Variants in DYM observed in about 807,000 individuals in gnomAD.
DYM encodes dymeclin.
In DYM, 78 loss-of-function variants were observed where a neutral mutation model predicts 93.1. The observed-to-expected ratio is 0.84, with a 90% CI of 0.70 to 1.01. DYM has a LOEUF of 1.01. DYM is among the 50% of genes least tolerant of loss of function. DYM has a pLI of 0.00. For missense variants in DYM, 789 were observed against 845.0 expected (o/e 0.93, Z 0.82); for synonymous variants, 321 against 319.7 (o/e 1.00, Z -0.04).
intron 6 of DYM, among the ~76,000 whole-genome samples, chr18:49,353,242 T>C (rs1420088715): frequency 6.6e-6 from 1 of 152,156 alleles, no homozygotes; most frequent in East Asian, 1.9e-4. Flanking sequence ...ATTAGTAATA[T>C]TTTAAAACAA....
chr18:49,058,305 TTTTC>T (rs979077803), intron 17 of DYM, among the ~76,000 whole-genome samples: 11 of 151,974 alleles, frequency 7.2e-5, no homozygotes, highest in Admixed American at 5.2e-4. Context: ...ATTTACATTT[TTTTC>T]TTTTTCTTCT....
intron 15 of DYM, among the ~76,000 whole-genome samples, chr18:49,142,692 G>A (rs1221653059): frequency 6.6e-6 from 1 of 152,078 alleles, no homozygotes. Context: ...TTGTCTATTT[G>A]CATCTGGTAA....
chr18:49,072,694 G>T (rs893680598), intron 17 of DYM, among the ~76,000 whole-genome samples: 11 of 152,266 alleles, frequency 7.2e-5, no homozygotes, highest in Non-Finnish European at 1.3e-4. Context: ...GAACGTTTGA[G>T]AGCTGAGACT....
intron 14 of DYM, among the ~76,000 whole-genome samples, chr18:49,195,133 T>C (rs1159344592): frequency 6.6e-6 from 1 of 152,218 alleles, no homozygotes; most frequent in African/African-American, 2.4e-5. Flanking sequence ...TTTTCATGCT[T>C]TTATTTAATT....
intron 15 of DYM, among the ~76,000 whole-genome samples, chr18:49,161,770 C>G (rs1434891247): frequency 1.3e-5 from 2 of 152,210 alleles, no homozygotes; most frequent in Admixed American, 1.3e-4. Flanking sequence ...AAAACTAGCA[C>G]CAGTCAGGCT....
intron 17 of DYM, among the ~76,000 whole-genome samples, chr18:49,089,925 C>T (rs956732756): frequency 1.3e-5 from 2 of 152,086 alleles, no homozygotes; most frequent in Admixed American, 1.3e-4. Context: ...AGGGACTGGC[C>T]TTGGCTAAGA....
intron 1 of DYM, among the ~76,000 whole-genome samples, chr18:49,432,329 C>CAAAAA (rs11429840): frequency 1.7e-3 from 127 of 75,042 alleles, no homozygotes; most frequent in Middle Eastern, 6.9e-3. Flanking sequence ...AAGACTGTCT[C>CAAAAA]AAAAAAAAAA....
chr18:49,200,336 T>G (rs1024859310), intron 14 of DYM, among the ~76,000 whole-genome samples: 20 of 152,040 alleles, frequency 1.3e-4, no homozygotes, highest in African/African-American at 4.6e-4. Context: ...TTTTTATACA[T>G]TATCTGGTTT....
chr18:49,219,680 G>T (rs2093259042), intron 13 of DYM, among the ~76,000 whole-genome samples: 1 of 152,080 alleles, frequency 6.6e-6, no homozygotes, highest in Admixed American at 6.5e-5. Flanking sequence ...AATAGATGCA[G>T]AAAAGGCCTT....
intron 8 of DYM, among the ~76,000 whole-genome samples, chr18:49,289,744 T>TATATATATATATACATATATATACAC: frequency 2.9e-5 from 1 of 34,290 alleles, no homozygotes; most frequent in Admixed American, 3.5e-4. Context: ...TATATATATA[T>TATATATATATATACATATATATACAC]ATATATATAT....
intron 14 of DYM, among the ~76,000 whole-genome samples, chr18:49,178,662 A>G (rs1446316952): frequency 6.6e-6 from 1 of 152,172 alleles, no homozygotes; most frequent in African/African-American, 2.4e-5. Flanking sequence ...AATTCTTTCT[A>G]ATAAAAATAC....
At chr18:49,374,770 C>T (rs1229639379) in intron 5 of DYM, among the ~76,000 whole-genome samples, 2 of 152,106 alleles carry the variant, frequency 1.3e-5, no homozygotes, top group African/African-American at 4.8e-5. Context: ...ACCAGCCTGA[C>T]CAACATGGTG....
intron 2 of DYM, among the ~76,000 whole-genome samples, chr18:49,422,658 C>T (rs376793429): frequency 5.3e-5 from 8 of 152,180 alleles, no homozygotes; most frequent in South Asian, 4.1e-4. Flanking sequence ...ACCCATCTCA[C>T]GTGCAGAGAC....
chr18:49,089,752 A>G (rs2078873887), intron 17 of DYM, among the ~76,000 whole-genome samples: 1 of 152,192 alleles, frequency 6.6e-6, no homozygotes, highest in African/African-American at 2.4e-5. Context: ...AATTAAGAGA[A>G]TTCTCTTGAA....
intron 9 of DYM, among the ~76,000 whole-genome samples, chr18:49,285,809 G>A (rs28628070): frequency 6.6e-6 from 1 of 152,192 alleles, no homozygotes. Context: ...TCAACATGAA[G>A]CCATATGCTC....
intron 14 of DYM, among the ~76,000 whole-genome samples, chr18:49,198,938 T>C (rs1414128495): frequency 2.6e-5 from 4 of 151,970 alleles, no homozygotes; most frequent in East Asian, 3.8e-4. Context: ...CGTATGTTTA[T>C]TGCAGCACTA....
intron 2 of DYM, chr18:49,413,108 A>G (rs1056134376): frequency 2.6e-5 from 4 of 152,218 alleles, no homozygotes; most frequent in Non-Finnish European, 4.4e-5. Flanking sequence ...TTAATGCTGC[A>G]GCTCTTTAGT....
intron 2 of DYM, among the ~76,000 whole-genome samples, chr18:49,409,934 C>A (rs928539853): frequency 7.9e-5 from 12 of 152,174 alleles, no homozygotes; most frequent in African/African-American, 2.2e-4. Context: ...GGAGCCTATA[C>A]GTAGTACCTA....
At chr18:49,293,799 T>C (rs1211711026) in intron 8 of DYM, among the ~76,000 whole-genome samples, 1 of 152,242 alleles carries the variant, frequency 6.6e-6, no homozygotes, top group Non-Finnish European at 1.5e-5. Context: ...TCTTTTGCTG[T>C]GCAGAAGCTC....
Sources: allele counts gnomAD v4.1 joint callset (sites outside exome capture counted in the v4.1 genomes callset), GRCh38; gene constraint gnomAD v4.1.1; transcripts MANE v1.5; gene names NCBI Gene and HGNC (gene_info 2026-07-23, HGNC 2026-07-21).